The following ZGRF1 variants were observed in gnomAD, a reference collection of about 807,000 sequenced individuals.
ZGRF1 encodes the protein 5'-3' DNA helicase ZGRF1.
In ZGRF1, 196 loss-of-function variants were observed where a neutral mutation model predicts 203.5. The ratio of observed to expected loss-of-function variants is 0.96; its 90% CI spans 0.86 to 1.08. The LOEUF (loss-of-function observed/expected upper bound fraction) is 1.08. Among genes scored for constraint, ZGRF1 ranks in the 50% least tolerant of loss-of-function variants. The pLI is 0.00. For missense variants in ZGRF1, 2,326 were observed against 2,416.3 expected (o/e 0.96, Z 0.78); for synonymous variants, 809 against 841.3 (o/e 0.96, Z 0.66).
At position 112,539,887 on chromosome 4, in the gene ZGRF1, C is replaced by A. The variant is rs1737200659; in HGVS notation, c.6148G>T (p.Gly2050Ter). 6.2e-7 allele frequency: 1 copy of A among 1,613,796 alleles called. No homozygotes were observed. Among genetic ancestry groups the A allele is most frequent in the East Asian group, 2.2e-5 (1 of 44,868 alleles). The change falls in exon 27 of 28, where the codon GGA becomes TGA. Residue 2050 changes from glycine (G) to a stop codon, truncating the protein, a stop_gained. Transcript: ENST00000505019. LOFTEE classifies it high-confidence loss of function. ...LACLRKNQLWGRVIQHCEGRE... is the reference protein window; with the variant it reads ...LACLRKNQLW ...CCTTCGCAGTGTTGGATCACTCGTC[C>A]CCAAAGTTGATTTTTCCTCAAACAG...
intron 11 of ZGRF1, chr4:112,589,481 AG>A: frequency 1.9e-6 from 1 of 529,556 alleles, no homozygotes; most frequent in East Asian, 2.9e-5. Flanking sequence ...AGATACTTTC[AG>A]GGGTCTGTGT....
rs1747469919 is a variant in ZGRF1, at chr4:112,587,791, G to C, written c.3266C>G (p.Ser1089Cys). 1.3e-6 allele frequency: 2 copies of C among 1,552,438 alleles called. No homozygotes were observed. Among genetic ancestry groups the C allele is most frequent in the African/African-American group, 1.4e-5 (1 of 73,046 alleles). ...GGAGCCAGAAGACTCGTATGTGTTA[G>C]AGTTGATCATATACGAATGAGAGTC... is the stretch of plus-strand genomic sequence containing the variant. ...DLDSHSYMIN[S>C]NTYESSGSPM... The change falls in exon 12 of 28, where the codon TCT becomes TGT. Residue 1089 changes from serine to cysteine, a missense_variant. Ser to Cys is a moderately radical substitution (Grantham distance 112). Coordinates refer to ENST00000505019, the MANE Select transcript of ZGRF1 (RefSeq NM_018392.5).
chr4:112,566,522 A>AAAT (rs1743124101), intron 16 of ZGRF1, among the ~76,000 whole-genome samples: 1 of 149,100 alleles, frequency 6.7e-6, no homozygotes, highest in Non-Finnish European at 1.5e-5. Flanking sequence ...AATAAATAAA[A>AAAT]AATAAATTTT....
At chr4:112,548,407 T>C (rs771674152) in intron 22 of ZGRF1, 27 bp from the exon 23 acceptor site, 5 of 1,517,098 alleles carry the variant, frequency 3.3e-6, no homozygotes, top group African/African-American at 1.4e-5. Context: ...ATGTTATTAA[T>C]TAACAATTAT....
rs2047482409 is a variant in ZGRF1 at position 112,633,554 on chromosome 4, C to G, written c.-66-312G>C. On this transcript the variant is annotated intron_variant, in intron 1 of 27. Transcript: ENST00000505019. ...ATTTGTCCTCCACATGTTTGGTTCC[C>G]TATAGCGCAAATTCAATTTTTAAAG... is the stretch of plus-strand genomic sequence containing the variant. Among the ~76,000 whole-genome samples the G allele has an allele frequency of 2.0e-5, 3 of 152,310 alleles. No homozygotes were observed. In the South Asian group the frequency reaches 6.2e-4, roughly 32 times the overall value.
At position 112,558,245 on chromosome 4, in the gene ZGRF1, A is replaced by C; in HGVS notation, c.5025T>G (p.Phe1675Leu). ...AVVILFFVQL[F>L]EKSEAPTIGN... The stretch of plus-strand genomic sequence containing the variant: ...CAATGGTGGGAGCTTCACTCTTTTC[A>C]AACAGCTGTACAAAGAACAAAATCA... Residue 1675 changes from phenylalanine to leucine, a missense_variant, in exon 20 of 28, where the codon TTT (phenylalanine) becomes TTG (leucine). Transcript: ENST00000505019. The C allele has an allele frequency of 6.2e-7, 1 of 1,605,842 alleles. No homozygotes were observed. Among genetic ancestry groups the C allele is most frequent in the Non-Finnish European group, 8.5e-7 (1 of 1,176,544 alleles).
rs143875962 is a variant in ZGRF1 at position 112,539,655 on chromosome 4, A to G, written c.6207T>C (p.Tyr2069=). 130 of 1,608,102 alleles carry G rather than the reference A, an allele frequency of 8.1e-5. No individual in the cohort carries two copies. The highest frequency in any genetic ancestry group is 3.3e-4 in the Middle Eastern group (2 of 6,066). ...REDGLQHANQ[Y]EPQLNHLLKD... is the part of the protein sequence containing the mutation. ...TAAGGAGATGGTTCAGCTGTGGTTC[A>G]TACTGGTTTGCATGTTGCAATCCAT... The change falls in exon 28 of 28, where the codon TAT becomes TAC. Residue 2069 remains tyrosine, a synonymous_variant. Transcript: ENST00000505019.
At chr4:112,548,474 T>G in intron 22 of ZGRF1, 94 bp from the exon 23 acceptor site, 1 of 947,550 alleles carries the variant, frequency 1.1e-6, no homozygotes, top group East Asian at 2.7e-5. Flanking sequence ...AATTAGAGAG[T>G]GAGCTAGTCC....
intron 2 of ZGRF1, 50 bp downstream of exon 2, chr4:112,633,106 G>C: frequency 6.5e-7 from 1 of 1,537,554 alleles, no homozygotes; most frequent in Non-Finnish European, 9.0e-7. Context: ...TTAAAAGAAA[G>C]AGACAGAGGA....
chr4:112,599,812 T>C (rs1215969679), intron 10 of ZGRF1, among the ~76,000 whole-genome samples: 2 of 152,136 alleles, frequency 1.3e-5, no homozygotes, highest in African/African-American at 4.8e-5. Flanking sequence ...AAGAGACCCT[T>C]AATATATGGA....
chr4:112,589,663 CAAAT>C (rs1312108495), intron 11 of ZGRF1, 57 bp downstream of exon 11: 5 of 1,442,080 alleles, frequency 3.5e-6, no homozygotes, highest in Non-Finnish European at 4.9e-6. Flanking sequence ...AATAATCTCT[CAAAT>C]AAAAAACTTC....
Position 112,618,504 on chromosome 4 carries a change from A to G in ZGRF1, c.1538T>C (p.Leu513Pro). 1 of 1,613,064 alleles carries G rather than the reference A, an allele frequency of 6.2e-7. No homozygotes were observed. The highest frequency in any genetic ancestry group is 8.5e-7 in the Non-Finnish European group (1 of 1,179,360). Residue 513 changes from leucine (L) to proline (P), a missense_variant, in exon 6 of 28, where the codon CTT (leucine) becomes CCT (proline). By Grantham distance (98) the Leu-to-Pro change is moderately conservative. Transcript: ENST00000505019. ...ISESKMDNESLNSIHESLSNV... is the reference protein window; with the variant it reads ...ISESKMDNESPNSIHESLSNV... ...ACTCAGAGATTCATGAATACTATTA[A>G]GACTTTCATTATCCATTTTACTTTC...
At chr4:112,571,742 A>G (rs1021298071) in intron 16 of ZGRF1, among the ~76,000 whole-genome samples, 4 of 152,176 alleles carry the variant, frequency 2.6e-5, no homozygotes, top group Admixed American at 6.5e-5. Context: ...TACAATTCCA[A>G]TTAAGATCCC....
rs546962075 is a variant in ZGRF1, at chr4:112,585,607, A to C, written c.4035T>G (p.Asn1345Lys). 6.2e-7 allele frequency: 1 copy of C among 1,612,776 alleles called. No individual in the cohort carries two copies. Among genetic ancestry groups the C allele is most frequent in the East Asian group, 2.2e-5 (1 of 44,748 alleles). Residue 1345 changes from asparagine to lysine, a missense_variant, in exon 14 of 28, where the codon AAT (asparagine) becomes AAG (lysine). Asn to Lys is a moderately conservative substitution (Grantham distance 94). Transcript: ENST00000505019. ...KGEKLKNAEN[N>K]VPSCHHSQPA... is the part of the protein sequence containing the mutation. ...GTTGACTATGATGGCAGGATGGTAC[A>C]TTATTTTCTGCGTTTTTCAGTTTCT...
At chr4:112,561,784 TAATAAAA>T (rs1187513245) in intron 18 of ZGRF1, among the ~76,000 whole-genome samples, 1 of 151,986 alleles carries the variant, frequency 6.6e-6, no homozygotes, top group Non-Finnish European at 1.5e-5. Flanking sequence ...AAAATACAGA[TAATAAAA>T]AATAAAATCA....
intron 8 of ZGRF1, among the ~76,000 whole-genome samples, chr4:112,606,639 C>G (rs1750813892): frequency 7.8e-6 from 1 of 128,796 alleles, no homozygotes; most frequent in South Asian, 2.4e-4. Context: ...GCCTGGCCAA[C>G]AAAGCAAAAC....
At chr4:112,595,828 T>C (rs753885079) in intron 10 of ZGRF1, among the ~76,000 whole-genome samples, 1 of 152,186 alleles carries the variant, frequency 6.6e-6, no homozygotes, top group African/African-American at 2.4e-5. Context: ...ATAAAAAACA[T>C]TGTGTAATGT....
chr4:112,571,041 T>C (rs1034624839), intron 16 of ZGRF1, among the ~76,000 whole-genome samples: 19 of 151,312 alleles, frequency 1.3e-4, no homozygotes, highest in African/African-American at 3.9e-4. Context: ...GAGGTGGAGG[T>C]TGCAGTGAGC....
At chr4:112,569,072 T>A (rs1743745538) in intron 16 of ZGRF1, among the ~76,000 whole-genome samples, 1 of 152,196 alleles carries the variant, frequency 6.6e-6, no homozygotes, top group Non-Finnish European at 1.5e-5. Flanking sequence ...TACAAGATGA[T>A]AACTAAGTAT....
Sources: allele counts gnomAD v4.1 joint callset (sites outside exome capture counted in the v4.1 genomes callset), GRCh38; gene constraint gnomAD v4.1.1; transcripts MANE v1.5; gene names NCBI Gene and HGNC (gene_info 2026-07-23, HGNC 2026-07-21).